RBFOX1: variants seen among roughly 807,000 people sequenced by gnomAD.
The protein encoded by RBFOX1 is RNA binding fox-1 homolog 1, also known as RNA binding protein fox-1 homolog 1.
RBFOX1 carries 8 observed loss-of-function variants against 57.7 expected under a neutral mutation model. The ratio of observed to expected loss-of-function variants is 0.14; its 90% CI spans 0.08 to 0.25. The LOEUF (loss-of-function observed/expected upper bound fraction) is 0.25. RBFOX1 is among the 10% of genes least tolerant of loss of function. The probability of loss-of-function intolerance (pLI) is 1.00; values close to 1 mark genes in which losing one functional copy is unlikely to be tolerated. For missense variants in RBFOX1, 611 were observed against 548.5 expected, an observed-to-expected ratio of 1.11 and a Z score of -1.14; for synonymous variants, 326 against 222.4, an observed-to-expected ratio of 1.47 and a Z score of -4.15.
chr16:5,544,609 C>T (rs987211400), intron 2 of RBFOX1, among the ~76,000 whole-genome samples: 1 of 152,020 alleles, frequency 6.6e-6, no homozygotes, highest in Admixed American at 6.6e-5. Flanking sequence ...ACAGCTAGTT[C>T]TTTGGGAAGA....
intron 2 of RBFOX1, among the ~76,000 whole-genome samples, chr16:6,458,709 C>T (rs531156969): frequency 6.6e-6 from 1 of 152,320 alleles, no homozygotes; most frequent in Admixed American, 6.5e-5. Context: ...GTGCTATGCT[C>T]ATTTGACCTA....
At chr16:6,883,314 G>C (rs1305445214) in intron 3 of RBFOX1, among the ~76,000 whole-genome samples, 1 of 152,084 alleles carries the variant, frequency 6.6e-6, no homozygotes, top group Non-Finnish European at 1.5e-5. Context: ...TGGAGCCCCT[G>C]GGAATTTGAA....
At chr16:7,312,849 T>C (rs917280502) in intron 4 of RBFOX1, among the ~76,000 whole-genome samples, 1 of 152,096 alleles carries the variant, frequency 6.6e-6, no homozygotes, top group Non-Finnish European at 1.5e-5. Flanking sequence ...AGCTTTAATA[T>C]GGCGGGGCCC....
chr16:7,322,683 A>G (rs373412394), intron 4 of RBFOX1, among the ~76,000 whole-genome samples: 2 of 152,194 alleles, frequency 1.3e-5, no homozygotes, highest in Admixed American at 6.5e-5. Flanking sequence ...TCATGCCTCA[A>G]AAATAAGATT....
chr16:6,826,452 G>C (rs887046278), intron 3 of RBFOX1, among the ~76,000 whole-genome samples: 4 of 147,524 alleles, frequency 2.7e-5, no homozygotes, highest in African/African-American at 1.1e-4. Flanking sequence ...CCCATGGGTT[G>C]TTAAGAGGCT....
chr16:6,023,762 G>A (rs1263616988), intron 1 of RBFOX1, among the ~76,000 whole-genome samples: 1 of 152,150 alleles, frequency 6.6e-6, no homozygotes, highest in Non-Finnish European at 1.5e-5. Flanking sequence ...CCTTTAATCT[G>A]TCGCTTTCAC....
intron 4 of RBFOX1, among the ~76,000 whole-genome samples, chr16:5,990,993 T>C (rs1284950657): frequency 1.3e-5 from 2 of 152,166 alleles, no homozygotes; most frequent in Non-Finnish European, 2.9e-5. Context: ...AAAAAATACA[T>C]TTGGTTATGC....
At chr16:6,835,312 C>T (rs923113402) in intron 3 of RBFOX1, among the ~76,000 whole-genome samples, 8 of 152,106 alleles carry the variant, frequency 5.3e-5, no homozygotes, top group African/African-American at 9.7e-5. Flanking sequence ...TTTCAGTGTC[C>T]TAAGCTAGCC....
chr16:7,249,732 C>T (rs557937859), intron 4 of RBFOX1, among the ~76,000 whole-genome samples: 16 of 152,166 alleles, frequency 1.1e-4, no homozygotes, highest in Admixed American at 3.3e-4. Context: ...CTTGTGCTAT[C>T]TCTGATTTTC....
At chr16:7,320,460 T>C (rs1017925147) in intron 4 of RBFOX1, among the ~76,000 whole-genome samples, 21 of 152,352 alleles carry the variant, frequency 1.4e-4, no homozygotes, top group African/African-American at 4.8e-4. Context: ...TACCACATTT[T>C]CTTTATCCAG....
intron 4 of RBFOX1, among the ~76,000 whole-genome samples, chr16:7,238,776 G>C (rs539725784): frequency 6.6e-6 from 1 of 152,186 alleles, no homozygotes; most frequent in South Asian, 2.1e-4. Context: ...TGTTTCTCCC[G>C]ATCCTGTCCC....
intron 3 of RBFOX1, among the ~76,000 whole-genome samples, chr16:6,803,405 G>A (rs1447692024): frequency 2.0e-5 from 3 of 152,174 alleles, no homozygotes. Flanking sequence ...ACCTTTCCCA[G>A]TGAAGGGAGA....
intron 4 of RBFOX1, among the ~76,000 whole-genome samples, chr16:7,362,617 C>T (rs924565226): frequency 2.9e-4 from 43 of 150,418 alleles, no homozygotes; most frequent in African/African-American, 8.3e-4. Context: ...ATATGTTTTG[C>T]GTGTAGTATG....
At chr16:7,125,784 G>T (rs989704746) in intron 4 of RBFOX1, among the ~76,000 whole-genome samples, 13 of 151,984 alleles carry the variant, frequency 8.6e-5, no homozygotes, top group Non-Finnish European at 1.0e-4. Context: ...AACGATTAAG[G>T]TTTAATTTAC....
intron 3 of RBFOX1, among the ~76,000 whole-genome samples, chr16:6,780,433 T>TATATATTTAC (rs1567217346): frequency 9.5e-6 from 1 of 105,630 alleles, no homozygotes; most frequent in East Asian, 3.1e-4. Context: ...TATATATTTA[T>TATATATTTAC]AGATATATTT....
At chr16:7,688,827 T>G (rs551501582) in intron 14 of RBFOX1, among the ~76,000 whole-genome samples, 7 of 152,104 alleles carry the variant, frequency 4.6e-5, no homozygotes, top group Non-Finnish European at 1.0e-4. Flanking sequence ...TTTAATTCTT[T>G]CTCTCAATTA....
At chr16:6,606,281 C>A (rs2097924191) in intron 2 of RBFOX1, among the ~76,000 whole-genome samples, 1 of 152,184 alleles carries the variant, frequency 6.6e-6, no homozygotes, top group South Asian at 2.1e-4. Context: ...TATTAGAAAG[C>A]CACTTCTTCC....
intron 3 of RBFOX1, among the ~76,000 whole-genome samples, chr16:5,644,485 A>G (rs546434466): frequency 6.6e-6 from 1 of 152,284 alleles, no homozygotes; most frequent in South Asian, 2.1e-4. Context: ...CCATGGAGGT[A>G]AAGTTCCACC....
chr16:6,709,654 C>A (rs1403063372), intron 3 of RBFOX1, among the ~76,000 whole-genome samples: 1 of 152,102 alleles, frequency 6.6e-6, no homozygotes, highest in Non-Finnish European at 1.5e-5. Flanking sequence ...GATTTAATTT[C>A]TTTTACCTCT....
Sources: gnomAD v4.1 joint callset for allele counts (sites outside exome capture counted in the v4.1 genomes callset) on GRCh38, gnomAD v4.1.1 for gene constraint, MANE v1.5 for transcripts, NCBI Gene and HGNC (gene_info 2026-07-23, HGNC 2026-07-21) for gene names.